The following IL4I1 variants were observed in gnomAD, a reference collection of about 807,000 sequenced individuals.
IL4I1 encodes L-amino-acid oxidase.
A neutral mutation model predicts 29.7 loss-of-function variants in IL4I1; 24 were observed. The ratio of observed to expected loss-of-function variants is 0.81; its 90% CI spans 0.59 to 1.14. The LOEUF (loss-of-function observed/expected upper bound fraction) is 1.14. IL4I1 is among the 50% of genes most tolerant of loss of function. IL4I1 has a pLI of 0.00. For synonymous variants in IL4I1, 371 were observed against 352.5 expected (o/e 1.05, Z -0.59); for missense variants, 686 against 785.6 (o/e 0.87, Z 1.52).
At chr19:49,899,383 GGTT>G (rs1366973735), upstream of IL4I1, among the ~76,000 whole-genome samples, 3 of 152,038 alleles carry the variant, frequency 2.0e-5, no homozygotes, top group East Asian at 1.9e-4. Flanking sequence ...ACTTCTGGGT[GGTT>G]GTTGTTGTTG....
At chr19:49,890,744 CCT>C (rs2075124501) in intron 7 of IL4I1, 144 bp from the exon 8 acceptor site, 6 of 852,348 alleles carry the variant, frequency 7.0e-6, no homozygotes, top group Non-Finnish European at 1.0e-5. Context: ...CCCGCCCGTC[CCT>C]GACATCCCAA....
At chr19:49,894,995 C>G (rs1455109728) in intron 4 of IL4I1, 73 bp downstream of exon 4, 22 of 1,162,330 alleles carry the variant, frequency 1.9e-5, no homozygotes, top group Non-Finnish European at 2.8e-5. Flanking sequence ...AAGTTCGGGC[C>G]CACTCTGGTG....
At chr19:49,920,301 T>A (rs2075733941) in intron 2 of IL4I1, among the ~76,000 whole-genome samples, 1 of 152,222 alleles carries the variant, frequency 6.6e-6, no homozygotes, top group Non-Finnish European at 1.5e-5. Context: ...CAGGATGGTA[T>A]GAATCTCTCG....
intron 2 of IL4I1, among the ~76,000 whole-genome samples, chr19:49,904,805 G>A (rs991152635): frequency 1.3e-5 from 2 of 152,160 alleles, no homozygotes; most frequent in Non-Finnish European, 2.9e-5. Context: ...CGCCTCCCGG[G>A]TTCATGCCAT....
intron 2 of IL4I1, among the ~76,000 whole-genome samples, chr19:49,927,373 T>C (rs1252474788): frequency 1.3e-5 from 2 of 152,092 alleles, no homozygotes; most frequent in African/African-American, 2.4e-5. Flanking sequence ...ACATACACTA[T>C]TGATAGCTGA....
rs202021385 is a variant in IL4I1, at chr19:49,894,499, G to A, written c.366-30C>T. ...TCAGGGGAGTGGGTGAGTGAGGGCC[G>A]GGCTCCAGTGGGGGTGGCCTGGTCC... is the stretch of plus-strand genomic sequence containing the variant. On this transcript the variant is annotated intron_variant, in intron 4 of 7. Transcript: ENST00000391826. 1.3e-3 allele frequency: 2,027 copies of A among 1,600,882 alleles called. 5 individuals carry two copies. Among genetic ancestry groups the A allele is most frequent in the Non-Finnish European group, 1.2e-3 (1,457 of 1,168,558 alleles).
chr19:49,908,209 G>A (rs1401400885), intron 2 of IL4I1: 2 of 1,609,366 alleles, frequency 1.2e-6, no homozygotes, highest in African/African-American at 2.7e-5. Flanking sequence ...GAACTCCCTA[G>A]GGACCTGCGG....
At chr19:49,890,929 G>GGCCCCCCCCCCCC in intron 7 of IL4I1, 42 bp downstream of exon 7, 1 of 454,446 alleles carries the variant, frequency 2.2e-6, no homozygotes, top group Non-Finnish European at 3.5e-6. Flanking sequence ...TTCCCTGATT[G>GGCCCCCCCCCCCC]CCCCCCGCCC....
In IL4I1 at chr19:49,889,912, C is replaced by T. The variant is rs1206195753; in HGVS notation, c.1462G>A (p.Gly488Ser). ...FAGEHTAYPH[G>S]WVETAVKSAL... ...GACTTGACCGCCGTCTCCACCCAGC[C>T]GTGCGGGTAGGCGGTGTGCTCGCCG... The change falls in exon 8 of 8, where the codon GGC becomes AGC. Residue 488 changes from glycine to serine, a missense_variant. Coordinates refer to ENST00000391826, the MANE Select transcript of IL4I1 (RefSeq NM_152899.2). 1.3e-5 allele frequency: 21 copies of T among 1,609,438 alleles called. No homozygotes were observed. Among genetic ancestry groups the T allele is most frequent in the Middle Eastern group, 1.6e-4 (1 of 6,076 alleles).
At chr19:49,908,740 G>C (rs1429140610) in intron 2 of IL4I1, 1 of 1,613,344 alleles carries the variant, frequency 6.2e-7, no homozygotes, top group South Asian at 1.1e-5. Context: ...CGTTGACCTG[G>C]GTGGCCTGCT....
At chr19:49,924,890 T>C (rs933597552) in intron 2 of IL4I1, among the ~76,000 whole-genome samples, 3 of 152,162 alleles carry the variant, frequency 2.0e-5, no homozygotes, top group Admixed American at 1.3e-4. Context: ...GCAGAGTCCC[T>C]GCCCAGACAC....
In IL4I1 at chr19:49,890,498, CT is replaced by C. The variant is rs1177560309; in HGVS notation, c.875del (p.Gln292ArgfsTer19). The C allele has an allele frequency of 5.6e-6, 9 of 1,611,202 alleles. No individual in the cohort carries two copies. Among genetic ancestry groups the C allele is most frequent in the Non-Finnish European group, 8.5e-7 (1 of 1,179,720 alleles). On this transcript the variant is annotated frameshift_variant, in exon 8 of 8. Coordinates refer to ENST00000391826, the MANE Select transcript of IL4I1 (RefSeq NM_152899.2). LOFTEE classifies it low-confidence loss of function (END_TRUNC). ...LLNAPVVAMT[Q>X]GPHDVHVQIE... ...TCTGCACGTGCACATCGTGCGGTCC[CT>C]GGGTCATCGCCACCACGGGCGCGTT...
At chr19:49,895,346 A>G (rs1229067721) in intron 3 of IL4I1, among the ~76,000 whole-genome samples, 166 bp from the exon 4 acceptor site, 2 of 152,100 alleles carry the variant, frequency 1.3e-5, no homozygotes, top group African/African-American at 4.8e-5. Flanking sequence ...AACAGAACTG[A>G]GTGAGCAGTT....
chr19:49,919,764 A>C (rs1339076204), intron 2 of IL4I1, among the ~76,000 whole-genome samples: 1 of 151,412 alleles, frequency 6.6e-6, no homozygotes, highest in Admixed American at 6.6e-5. Context: ...AGCCAGAGAG[A>C]GATTTTAAGG....
chr19:49,920,071 G>T (rs935769146), intron 2 of IL4I1, among the ~76,000 whole-genome samples: 1 of 151,876 alleles, frequency 6.6e-6, no homozygotes, highest in East Asian at 1.9e-4. Flanking sequence ...TTACACATGT[G>T]TGCCACCACA....
At chr19:49,901,649 C>T, upstream of IL4I1, 1 of 1,528,310 alleles carries the variant, frequency 6.5e-7, no homozygotes, top group Non-Finnish European at 8.8e-7. Context: ...TGCATGGCTG[C>T]CTCTGGGGGG....
chr19:49,909,504 T>C, intron 2 of IL4I1: 1 of 1,614,148 alleles, frequency 6.2e-7, no homozygotes, highest in Non-Finnish European at 8.5e-7. Context: ...GTGGCAGCTG[T>C]GTTGCTCAAG....
intron 5 of IL4I1, among the ~76,000 whole-genome samples, chr19:49,893,682 C>G (rs371556247): frequency 2.0e-5 from 3 of 151,806 alleles, no homozygotes; most frequent in African/African-American, 7.3e-5. Flanking sequence ...GCAGTGTTTA[C>G]GGGGAAGCTA....
chr19:49,922,165 G>A (rs1568719857), intron 2 of IL4I1, among the ~76,000 whole-genome samples: 1 of 152,212 alleles, frequency 6.6e-6, no homozygotes, highest in South Asian at 2.1e-4. Context: ...CAGGCTCTAG[G>A]TCAAATAGAT....
Sources: gnomAD v4.1 joint callset for allele counts (sites outside exome capture counted in the v4.1 genomes callset) on GRCh38, gnomAD v4.1.1 for gene constraint, MANE v1.5 for transcripts, NCBI Gene and HGNC (gene_info 2026-07-23, HGNC 2026-07-21) for gene names.